MAML3: variants seen among roughly 807,000 people sequenced by gnomAD.
MAML3 encodes the protein mastermind like transcriptional coactivator 3.
Under a neutral mutation model 101.9 loss-of-function variants are expected in MAML3, and 27 were observed. That is an observed-to-expected ratio of 0.27 (90% CI 0.20 to 0.37). MAML3 has a LOEUF of 0.37. MAML3 is among the 10% of genes least tolerant of loss of function. The pLI, the probability that MAML3 is intolerant of heterozygous loss-of-function variation, is 1.00. For missense variants in MAML3, 1,316 were observed against 1,444.9 expected, an observed-to-expected ratio of 0.91 and a Z score of 1.45; for synonymous variants, 501 against 555.9, an observed-to-expected ratio of 0.90 and a Z score of 1.39.
chr4:139,774,201 G>T (rs955469004), intron 2 of MAML3, among the ~76,000 whole-genome samples: 1 of 152,174 alleles, frequency 6.6e-6, no homozygotes, highest in Non-Finnish European at 1.5e-5. Flanking sequence ...AGAAATAATG[G>T]TCAAAATGTT....
intron 1 of MAML3, among the ~76,000 whole-genome samples, chr4:140,017,962 C>T (rs753789747): frequency 2.6e-5 from 4 of 151,660 alleles, no homozygotes; most frequent in Non-Finnish European, 4.4e-5. Context: ...TGTATCATGC[C>T]TTACAACTGC....
chr4:140,019,435 C>T (rs28432355), intron 1 of MAML3, among the ~76,000 whole-genome samples: 4,343 of 152,270 alleles, frequency 0.029, 197 homozygotes, highest in African/African-American at 0.096. Context: ...AGAAAACAGC[C>T]TGACCCATAG....
At chr4:139,930,638 C>T (rs902197023) in intron 1 of MAML3, among the ~76,000 whole-genome samples, 1 of 152,094 alleles carries the variant, frequency 6.6e-6, no homozygotes. Context: ...CATCTTCTAC[C>T]CACATGTGCT....
intron 1 of MAML3, among the ~76,000 whole-genome samples, chr4:139,931,847 TAAA>T (rs558806703): frequency 7.4e-6 from 1 of 135,094 alleles, no homozygotes. Flanking sequence ...CCGTCTCTAC[TAAA>T]AAAAAAAAAA....
chr4:140,133,422 TA>T (rs1728829915), intron 1 of MAML3, among the ~76,000 whole-genome samples: 1 of 152,202 alleles, frequency 6.6e-6, no homozygotes, highest in Non-Finnish European at 1.5e-5. Context: ...AAGATACTTA[TA>T]ATTGAATCAC....
chr4:139,778,614 C>T (rs1730135881), intron 2 of MAML3, among the ~76,000 whole-genome samples: 1 of 152,212 alleles, frequency 6.6e-6, no homozygotes, highest in South Asian at 2.1e-4. Context: ...ACCTCCCTTA[C>T]TCTTCCTGAG....
intron 2 of MAML3, among the ~76,000 whole-genome samples, chr4:139,884,930 AAGAG>A (rs1350713572): frequency 1.3e-5 from 2 of 152,240 alleles, no homozygotes; most frequent in African/African-American, 4.8e-5. Context: ...TGTAAGAGAG[AAGAG>A]AGAGAGATCC....
At chr4:139,743,052 G>A (rs1227652538) in intron 2 of MAML3, among the ~76,000 whole-genome samples, 1 of 152,142 alleles carries the variant, frequency 6.6e-6, no homozygotes, top group Non-Finnish European at 1.5e-5. Flanking sequence ...TTCCCCAAAA[G>A]CTTTCTGGGG....
chr4:139,989,888 GAGAGAGAGAGAGAA>G (rs2110825228), intron 1 of MAML3, among the ~76,000 whole-genome samples: 1 of 114,746 alleles, frequency 8.7e-6, no homozygotes, highest in African/African-American at 4.0e-5. Context: ...CACACAGAGA[GAGAGAGAGAGAGAA>G]AGAGAGAGAG....
chr4:139,787,569 C>T (rs923977379), intron 2 of MAML3, among the ~76,000 whole-genome samples: 1 of 152,134 alleles, frequency 6.6e-6, no homozygotes, highest in African/African-American at 2.4e-5. Context: ...CTGTGATAAC[C>T]CAAACTGGAC....
chr4:139,795,303 T>C (rs1230925068), intron 2 of MAML3, among the ~76,000 whole-genome samples: 1 of 152,236 alleles, frequency 6.6e-6, no homozygotes, highest in African/African-American at 2.4e-5. Context: ...TCCCTTAAAG[T>C]GTAGACTTCT....
Position 139,889,877 on chromosome 4 carries a change from G to A in MAML3, c.1559C>T (p.Pro520Leu). 1 of 1,613,450 alleles carries A rather than the reference G, an allele frequency of 6.2e-7. No homozygotes were observed. The highest frequency in any genetic ancestry group is 8.5e-7 in the Non-Finnish European group (1 of 1,179,854). ...QHSNQTSNWS[P>L]LGPPSSPYGA... ...ATATGGACTAGAGGGAGGTCCTAAGGGAGACCAATTTGAAGTCTGATTTGA... is the reference window on the plus strand; with the variant it reads ...ATATGGACTAGAGGGAGGTCCTAAGAGAGACCAATTTGAAGTCTGATTTGA... The change falls in exon 2 of 5, where the codon CCC becomes CTC. Residue 520 changes from proline to leucine, a missense_variant. Transcript: ENST00000509479.
intron 1 of MAML3, among the ~76,000 whole-genome samples, chr4:139,933,874 G>A (rs72933719): frequency 1.7e-4 from 26 of 151,590 alleles, no homozygotes; most frequent in African/African-American, 6.3e-4. Flanking sequence ...AAGAGGGATG[G>A]GGTGGGGGTG....
intron 2 of MAML3, among the ~76,000 whole-genome samples, chr4:139,792,717 T>A (rs1660185614): frequency 6.6e-6 from 1 of 152,074 alleles, no homozygotes; most frequent in Admixed American, 6.5e-5. Flanking sequence ...GAATTCTAGT[T>A]CTGGTAGAAC....
chr4:139,944,122 G>A (rs1733660298), intron 1 of MAML3, among the ~76,000 whole-genome samples: 1 of 151,724 alleles, frequency 6.6e-6, no homozygotes, highest in African/African-American at 2.4e-5. Flanking sequence ...CACCTGCCTC[G>A]GCCTCCCAAA....
chr4:139,783,553 G>A (rs1560793112), intron 2 of MAML3, among the ~76,000 whole-genome samples: 1 of 152,118 alleles, frequency 6.6e-6, no homozygotes, highest in Admixed American at 6.5e-5. Flanking sequence ...CTTTGTTATC[G>A]CTTCCAGCCC....
chr4:140,023,222 T>A (rs1726759467), intron 1 of MAML3, among the ~76,000 whole-genome samples: 1 of 152,328 alleles, frequency 6.6e-6, no homozygotes, highest in African/African-American at 2.4e-5. Context: ...TTTTCCTGTG[T>A]GATTTAGAGA....
intron 3 of MAML3, among the ~76,000 whole-genome samples, chr4:139,726,565 T>C (rs537425670): frequency 6.6e-6 from 1 of 151,902 alleles, no homozygotes; most frequent in African/African-American, 2.4e-5. Flanking sequence ...AAGCAACTGC[T>C]TTTTAATGAC....
At chr4:139,960,168 C>T (rs1733986507) in intron 1 of MAML3, among the ~76,000 whole-genome samples, 2 of 152,182 alleles carry the variant, frequency 1.3e-5, no homozygotes, top group South Asian at 4.1e-4. Context: ...ACATGATCTT[C>T]ATGACAAAGG....
Sources: allele counts gnomAD v4.1 joint callset (sites outside exome capture counted in the v4.1 genomes callset), GRCh38; gene constraint gnomAD v4.1.1; transcripts MANE v1.5; gene names NCBI Gene and HGNC (gene_info 2026-07-23, HGNC 2026-07-21).